PREX1: variants seen among roughly 807,000 people sequenced by gnomAD.
The protein encoded by PREX1 is phosphatidylinositol-3,4,5-trisphosphate dependent Rac exchange factor 1, also known as phosphatidylinositol 3,4,5-trisphosphate-dependent Rac exchanger 1 protein.
Under a neutral mutation model 198.3 loss-of-function variants are expected in PREX1, and 41 were observed. That is an observed-to-expected ratio of 0.21 (90% confidence interval 0.16 to 0.27). The LOEUF (loss-of-function observed/expected upper bound fraction) is 0.27. PREX1 is among the 10% of genes least tolerant of loss of function. The probability of loss-of-function intolerance (pLI) is 1.00; values close to 1 mark genes in which losing one functional copy is unlikely to be tolerated. For missense variants in PREX1, 1,620 were observed against 2,200.7 expected, an observed-to-expected ratio of 0.74 and a Z score of 5.28; for synonymous variants, 843 against 887.2, an observed-to-expected ratio of 0.95 and a Z score of 0.89.
At chr20:48,876,531 C>T in the PREX1 span, among the ~76,000 whole-genome samples, 15 of 152,210 alleles carry the variant, frequency 9.9e-5, no homozygotes, top group South Asian at 4.2e-4. Flanking sequence ...TGGTTGAGGG[C>T]GACTCTTGGA....
chr20:48,780,176 TAAC>T (rs1445965814), intron 1 of PREX1, among the ~76,000 whole-genome samples: 1 of 152,198 alleles, frequency 6.6e-6, no homozygotes, highest in East Asian at 1.9e-4. Context: ...ACAATGAGCA[TAAC>T]TACTGCCCAG....
the PREX1 span, among the ~76,000 whole-genome samples, chr20:48,865,231 C>T: frequency 6.6e-6 from 1 of 152,162 alleles, no homozygotes; most frequent in African/African-American, 2.4e-5. Context: ...AGGAACACAG[C>T]CTTTGGCCAG....
At chr20:48,874,889 A>AC in the PREX1 span, among the ~76,000 whole-genome samples, 1 of 151,936 alleles carries the variant, frequency 6.6e-6, no homozygotes, top group South Asian at 2.1e-4. Context: ...AAAAAAAAAA[A>AC]AGAAAGAAAA....
At chr20:48,679,217 G>A in intron 13 of PREX1, 143 bp downstream of exon 13, 1 of 716,188 alleles carries the variant, frequency 1.4e-6, no homozygotes, top group East Asian at 2.5e-5. Flanking sequence ...TAATCCTAAT[G>A]ACAAATCTAA....
chr20:48,833,591 G>A, the PREX1 span, among the ~76,000 whole-genome samples: 7 of 151,852 alleles, frequency 4.6e-5, no homozygotes, highest in East Asian at 7.8e-4. Flanking sequence ...ACAGGTGCCC[G>A]CCACCACGCC....
At chr20:48,680,941 C>T (rs996982870) in intron 11 of PREX1, among the ~76,000 whole-genome samples, 14 of 152,206 alleles carry the variant, frequency 9.2e-5, no homozygotes, top group African/African-American at 3.4e-4. Flanking sequence ...TATAGGCACT[C>T]AATAAATATT....
At chr20:48,671,938 G>A (rs977135130) in intron 14 of PREX1, among the ~76,000 whole-genome samples, 3 of 152,198 alleles carry the variant, frequency 2.0e-5, no homozygotes, top group African/African-American at 4.8e-5. Context: ...GCCTTTGCTC[G>A]ACATCCTCCC....
chr20:48,856,351 G>A, the PREX1 span, among the ~76,000 whole-genome samples: 2 of 152,212 alleles, frequency 1.3e-5, no homozygotes, highest in African/African-American at 4.8e-5. Context: ...TGCACTGGAC[G>A]ACGCCCATGC....
intron 10 of PREX1, among the ~76,000 whole-genome samples, chr20:48,685,663 A>C (rs1262255894): frequency 1.1e-4 from 16 of 152,196 alleles, no homozygotes; most frequent in Non-Finnish European, 2.4e-4. Flanking sequence ...GCAGTGGCTC[A>C]CGCCTGTAAT....
In PREX1 at chr20:48,627,553, A is replaced by G; in HGVS notation, c.4932T>C (p.Ala1644=). The part of the protein sequence containing the change: ...LRVKDQMPQG[A]PRLYRLCQPP... ...CGGACGAGGCAGCCACTCACCGCGG[A>G]GCACCCTGGGGCATCTGGTCCTTGA... The change falls in exon 39 of 40, where the codon GCT becomes GCC. Residue 1644 remains alanine (A), a synonymous_variant. Transcript: ENST00000371941. The G allele has an allele frequency of 1.2e-6, 2 of 1,613,912 alleles. No individual in the cohort carries two copies. Among genetic ancestry groups the G allele is most frequent in the African/African-American group, 1.3e-5 (1 of 75,002 alleles).
intron 16 of PREX1, among the ~76,000 whole-genome samples, chr20:48,659,443 C>A (rs7261228): frequency 0.18 from 26,561 of 151,670 alleles, 2,419 homozygotes; most frequent in Middle Eastern, 0.29. Context: ...CAGTGAGGGG[C>A]ATGAAATCAG....
At chr20:48,791,114 C>A (rs528121370) in intron 1 of PREX1, among the ~76,000 whole-genome samples, 1 of 152,102 alleles carries the variant, frequency 6.6e-6, no homozygotes, top group Non-Finnish European at 1.5e-5. Context: ...GAAAACGGCA[C>A]CCCAGCTAGC....
chr20:48,835,348 TCTGTGTCCTCCTG>T, the PREX1 span, among the ~76,000 whole-genome samples: 4 of 152,208 alleles, frequency 2.6e-5, no homozygotes, highest in Non-Finnish European at 5.9e-5. Flanking sequence ...AAAGCAAAAC[TCTGTGTCCTCCTG>T]TTGCTTACGT....
chr20:48,646,584 G>A (rs764491302), intron 25 of PREX1, among the ~76,000 whole-genome samples: 13 of 151,726 alleles, frequency 8.6e-5, no homozygotes, highest in African/African-American at 1.2e-4. Flanking sequence ...CCAGCTACTC[G>A]GGAGGCTCGT....
intron 14 of PREX1, among the ~76,000 whole-genome samples, chr20:48,675,389 AT>A (rs2089701466): frequency 1.3e-5 from 2 of 152,160 alleles, no homozygotes; most frequent in Admixed American, 6.5e-5. Context: ...GTATTTTGTT[AT>A]AGCAGCACAA....
chr20:48,664,097 G>A (rs866297205), intron 15 of PREX1, among the ~76,000 whole-genome samples: 14 of 152,080 alleles, frequency 9.2e-5, no homozygotes, highest in African/African-American at 2.4e-4. Context: ...GAATCTGGTC[G>A]GGCGCGGTGG....
At chr20:48,830,524 G>T (rs975474787), upstream of PREX1, among the ~76,000 whole-genome samples, 1 of 152,194 alleles carries the variant, frequency 6.6e-6, no homozygotes, top group Non-Finnish European at 1.5e-5. Context: ...ACCAAGGAAG[G>T]TTAGCCTCAA....
chr20:48,686,901 C>T (rs915825836), intron 10 of PREX1, among the ~76,000 whole-genome samples: 9 of 152,242 alleles, frequency 5.9e-5, no homozygotes, highest in Non-Finnish European at 1.2e-4. Flanking sequence ...TGCCCAACAT[C>T]CATACTGCAC....
intron 25 of PREX1, among the ~76,000 whole-genome samples, chr20:48,647,625 C>A (rs1184507056): frequency 6.6e-6 from 1 of 151,758 alleles, no homozygotes; most frequent in Non-Finnish European, 1.5e-5. Flanking sequence ...CAGTCAGTAG[C>A]ATGATTAGCC....
Sources: allele counts gnomAD v4.1 joint callset (sites outside exome capture counted in the v4.1 genomes callset), GRCh38; gene constraint gnomAD v4.1.1; transcripts MANE v1.5; gene names NCBI Gene and HGNC (gene_info 2026-07-23, HGNC 2026-07-21).